PDE3A: variants seen among roughly 807,000 people sequenced by gnomAD.
PDE3A encodes the protein cGMP-inhibited 3',5'-cyclic phosphodiesterase 3A.
A neutral mutation model predicts 98.3 loss-of-function variants in PDE3A; 43 were observed. The observed-to-expected ratio is 0.44, with a 90% CI of 0.34 to 0.56. The LOEUF is 0.56. Ranked by LOEUF, PDE3A falls within the 20% of genes least tolerant of loss-of-function variation. PDE3A has a pLI of 0.01. For synonymous variants in PDE3A, 663 were observed against 567.9 expected, an observed-to-expected ratio of 1.17 and a Z score of -2.38; for missense variants, 1,427 against 1,440.7, an observed-to-expected ratio of 0.99 and a Z score of 0.15.
At chr12:20,433,819 C>T (rs74695919) in intron 1 of PDE3A, among the ~76,000 whole-genome samples, 1 of 152,110 alleles carries the variant, frequency 6.6e-6, no homozygotes, top group East Asian at 1.9e-4. Flanking sequence ...TTTCTTAAGG[C>T]TTCACAGATA....
chr12:20,607,956 T>C (rs1384182150), intron 2 of PDE3A, among the ~76,000 whole-genome samples: 2 of 152,116 alleles, frequency 1.3e-5, no homozygotes, highest in Non-Finnish European at 2.9e-5. Flanking sequence ...CAATATTTAA[T>C]TATATTATTT....
chr12:20,425,287 A>C (rs1325886015), intron 1 of PDE3A, among the ~76,000 whole-genome samples: 1 of 152,152 alleles, frequency 6.6e-6, no homozygotes, highest in Non-Finnish European at 1.5e-5. Context: ...ATGGGTGCTA[A>C]AGAAACTGAG....
At chr12:20,422,612 A>C (rs1944538661) in intron 1 of PDE3A, among the ~76,000 whole-genome samples, 1 of 152,218 alleles carries the variant, frequency 6.6e-6, no homozygotes, top group Non-Finnish European at 1.5e-5. Context: ...ACCATAATTT[A>C]AAAAGACATA....
chr12:20,630,744 G>C (rs778669263), intron 6 of PDE3A, among the ~76,000 whole-genome samples: 12 of 152,108 alleles, frequency 7.9e-5, no homozygotes, highest in Non-Finnish European at 1.8e-4. Flanking sequence ...TTGTCACGAA[G>C]AAATAATTAT....
chr12:20,415,675 G>A (rs975569544), intron 1 of PDE3A, among the ~76,000 whole-genome samples: 1 of 152,172 alleles, frequency 6.6e-6, no homozygotes, highest in Non-Finnish European at 1.5e-5. Flanking sequence ...GACCTCAGGT[G>A]ATCTGCCCGC....
At chr12:20,581,418 G>A (rs1030508541) in intron 2 of PDE3A, among the ~76,000 whole-genome samples, 1 of 152,074 alleles carries the variant, frequency 6.6e-6, no homozygotes, top group Non-Finnish European at 1.5e-5. Flanking sequence ...AAGGAACTAA[G>A]ACAGAGAACA....
chr12:20,484,225 C>T (rs1431629277), intron 1 of PDE3A, among the ~76,000 whole-genome samples: 2 of 152,118 alleles, frequency 1.3e-5, no homozygotes, highest in Non-Finnish European at 2.9e-5. Flanking sequence ...CTGAGTTAAA[C>T]AAAGTAGTTA....
chr12:20,659,051 A>G (rs1422054434), intron 15 of PDE3A, among the ~76,000 whole-genome samples: 1 of 151,856 alleles, frequency 6.6e-6, no homozygotes, highest in East Asian at 1.9e-4. Flanking sequence ...GAGACTGTAA[A>G]CTCCTTTAAG....
chr12:20,447,992 G>A (rs1222848464), intron 1 of PDE3A, among the ~76,000 whole-genome samples: 1 of 152,180 alleles, frequency 6.6e-6, no homozygotes, highest in South Asian at 2.1e-4. Flanking sequence ...ATGTGTGAGA[G>A]TAGGAGAAAC....
intron 1 of PDE3A, among the ~76,000 whole-genome samples, chr12:20,501,997 T>A (rs1014920327): frequency 6.6e-6 from 1 of 152,298 alleles, no homozygotes; most frequent in East Asian, 1.9e-4. Flanking sequence ...TTTGAAGCAC[T>A]GGGGAATACG....
chr12:20,409,230 G>C (rs912776693), intron 1 of PDE3A, among the ~76,000 whole-genome samples: 14 of 152,108 alleles, frequency 9.2e-5, no homozygotes, highest in African/African-American at 3.4e-4. Flanking sequence ...TGTTATATTT[G>C]TAAGTCAGCG....
rs917961383 is a variant in PDE3A at position 20,552,363 on chromosome 12, C to T, written c.961-4297C>T. ...AGTCCGGGTTTCTCGTGTGGCGCTA[C>T]CTTCTGCGGAGGGACGATGATGAGC... is the stretch of plus-strand genomic sequence containing the variant. On this transcript the variant is annotated intron_variant, in intron 1 of 15. Transcript: ENST00000359062. The surrounding 1 kb of genome is among the most constrained non-coding windows in gnomAD (Gnocchi z 5.1). 27 of 1,613,532 alleles carry T rather than the reference C, an allele frequency of 1.7e-5. No homozygotes were observed. The highest frequency in any genetic ancestry group is 2.0e-5 in the Non-Finnish European group (24 of 1,179,836).
At chr12:20,382,345 A>G (rs1230653950) in intron 1 of PDE3A, among the ~76,000 whole-genome samples, 1 of 151,938 alleles carries the variant, frequency 6.6e-6, no homozygotes, top group African/African-American at 2.4e-5. Context: ...TGCTTGGCTC[A>G]GACAAGAAGG....
chr12:20,519,017 G>C (rs1245081505), intron 1 of PDE3A, among the ~76,000 whole-genome samples: 1 of 148,752 alleles, frequency 6.7e-6, no homozygotes, highest in Non-Finnish European at 1.5e-5. Flanking sequence ...TGCTAAAGAA[G>C]ATTGTGTAAA....
chr12:20,456,990 CG>C (rs1370064200), intron 1 of PDE3A, among the ~76,000 whole-genome samples: 1 of 152,060 alleles, frequency 6.6e-6, no homozygotes, highest in South Asian at 2.1e-4. Flanking sequence ...AGCCTCCTTC[CG>C]GGAAATCCCT....
At chr12:20,532,687 CTTTTT>C (rs137966114) in intron 1 of PDE3A, among the ~76,000 whole-genome samples, 8 of 107,876 alleles carry the variant, frequency 7.4e-5, no homozygotes, top group Admixed American at 3.0e-4. Context: ...GTTTCTCTCT[CTTTTT>C]TTTTTTTTTT....
chr12:20,653,935 T>G lies in PDE3A; in HGVS notation c.2926-12T>G, dbSNP rs1018610302. 1.2e-6 allele frequency: 2 copies of G among 1,610,314 alleles called. No individual in the cohort carries two copies. The highest frequency in any genetic ancestry group is 2.7e-5 in the African/African-American group (2 of 74,788). On this transcript the variant is annotated splice_polypyrimidine_tract_variant and intron_variant, in intron 14 of 15. Coordinates refer to ENST00000359062, the MANE Select transcript of PDE3A (RefSeq NM_000921.5). ...CAGGTGAATGTTGACTTCACTTGTATTTTATTTCTAGGGTGATGAAGAGGC... is the reference window on the plus strand; with the variant it reads ...CAGGTGAATGTTGACTTCACTTGTAGTTTATTTCTAGGGTGATGAAGAGGC...
At chr12:20,610,857 G>A (rs1338512232) in intron 2 of PDE3A, among the ~76,000 whole-genome samples, 6 of 151,886 alleles carry the variant, frequency 4.0e-5, no homozygotes, top group Non-Finnish European at 8.8e-5. Flanking sequence ...TTCAGAGATA[G>A]AGAATAAAAC....
chr12:20,556,874 A>G, intron 2 of PDE3A, 164 bp downstream of exon 2: 1 of 667,970 alleles, frequency 1.5e-6, no homozygotes, highest in Non-Finnish European at 2.7e-6. Context: ...TGGATTTCAA[A>G]TCCCAAAGGC....
Sources: allele counts gnomAD v4.1 joint callset (sites outside exome capture counted in the v4.1 genomes callset), GRCh38; gene constraint gnomAD v4.1.1; non-coding constraint Gnocchi (gnomAD v3.1); transcripts MANE v1.5; gene names NCBI Gene and HGNC (gene_info 2026-07-23, HGNC 2026-07-21).